ENTPD5: variants seen among roughly 807,000 people sequenced by gnomAD.
The protein encoded by ENTPD5 is nucleoside diphosphate phosphatase ENTPD5.
In ENTPD5, 49 loss-of-function variants were observed where a neutral mutation model predicts 60.2. That is an observed-to-expected ratio of 0.81 (90% CI 0.65 to 1.03). The LOEUF is 1.03. ENTPD5 is among the 50% of genes least tolerant of loss of function. The pLI is 0.00. For synonymous variants in ENTPD5, 187 were observed against 185.4 expected, an observed-to-expected ratio of 1.01 and a Z score of -0.07; for missense variants, 480 against 507.6, an observed-to-expected ratio of 0.95 and a Z score of 0.52.
intron 3 of ENTPD5, among the ~76,000 whole-genome samples, chr14:74,006,376 C>T (rs1461133272): frequency 6.6e-5 from 10 of 151,826 alleles, no homozygotes; most frequent in Non-Finnish European, 8.8e-5. Context: ...CTCCGCTTCC[C>T]GGGTTCACAC....
At chr14:74,013,590 C>A (rs530348203) in intron 2 of ENTPD5, among the ~76,000 whole-genome samples, 1 of 152,074 alleles carries the variant, frequency 6.6e-6, no homozygotes, top group East Asian at 1.9e-4. Flanking sequence ...CCCAAGGAAG[C>A]CAAAAGATTG....
intron 9 of ENTPD5, 62 bp from the exon 10 acceptor site, chr14:73,976,077 C>T: frequency 7.4e-7 from 1 of 1,356,982 alleles, no homozygotes; most frequent in South Asian, 1.2e-5. Flanking sequence ...GATGTTCACA[C>T]CACCACCCGT....
chr14:74,015,413 G>C (rs1158996925), intron 2 of ENTPD5, among the ~76,000 whole-genome samples: 1 of 129,366 alleles, frequency 7.7e-6, no homozygotes, highest in Non-Finnish European at 1.5e-5. Context: ...CTGGAATACA[G>C]TGGCACGGCT....
At chr14:73,955,891 C>T (rs1444684133), downstream of ENTPD5, 1 of 1,614,022 alleles carries the variant, frequency 6.2e-7, no homozygotes, top group Non-Finnish European at 8.5e-7. Context: ...ATGATGTCAT[C>T]ATGCATGCTC....
rs372052433 is a variant in ENTPD5 at position 73,964,355 on chromosome 14, T to TA, written c.*2572dup. 1.6e-4 allele frequency: 25 copies of TA among 152,276 alleles called. 1 individual carries two copies. The highest frequency in any genetic ancestry group is 5.1e-4 in the African/African-American group (21 of 41,570). 9.4% of individuals were successfully genotyped at this position (152,276 alleles called of 1,614,324 possible). A position where few individuals can be genotyped will look rare whatever the true frequency, so the allele number is the denominator to read the frequency against. On this transcript the variant is annotated 3_prime_UTR_variant, in exon 16 of 16. Coordinates refer to ENST00000334696, the MANE Select transcript of ENTPD5 (RefSeq NM_001249.5). Reference sequence around the variant, plus strand: ...GGTCTACTGCAGGCAGGATGGGCGTTACAGAAAAAAATAAAAACTCTCATT... The same window carrying TA: ...GGTCTACTGCAGGCAGGATGGGCGTTAACAGAAAAAAATAAAAACTCTCATT...
chr14:74,014,343 T>A (rs1486005100), intron 2 of ENTPD5, among the ~76,000 whole-genome samples: 1 of 151,902 alleles, frequency 6.6e-6, no homozygotes, highest in African/African-American at 2.4e-5. Flanking sequence ...GAGAACCATT[T>A]GAGCCCAGTA....
At chr14:74,004,756 C>A (rs2058619959) in intron 3 of ENTPD5, among the ~76,000 whole-genome samples, 2 of 152,078 alleles carry the variant, frequency 1.3e-5, no homozygotes, top group African/African-American at 4.8e-5. Context: ...CCAAGAAGAG[C>A]AGGGCAGAAG....
chr14:73,989,487 C>A (rs1469619788), intron 3 of ENTPD5, among the ~76,000 whole-genome samples: 2 of 150,976 alleles, frequency 1.3e-5, no homozygotes, highest in Non-Finnish European at 3.0e-5. Flanking sequence ...CACCTGAGGT[C>A]AGGAGTTTGA....
chr14:73,976,557 G>A (rs373738532), intron 8 of ENTPD5, 145 bp from the exon 9 acceptor site: 13 of 633,670 alleles, frequency 2.1e-5, no homozygotes, highest in East Asian at 1.4e-4. Flanking sequence ...TGTCAACTCG[G>A]AAGGACTCTT....
chr14:73,987,647 C>G (rs1004287985), intron 4 of ENTPD5, among the ~76,000 whole-genome samples: 1 of 151,332 alleles, frequency 6.6e-6, no homozygotes, highest in Non-Finnish European at 1.5e-5. Flanking sequence ...CACTACAGAC[C>G]GGGCAACAAA....
chr14:73,982,503 T>G (rs2057732993), intron 6 of ENTPD5, among the ~76,000 whole-genome samples: 1 of 152,114 alleles, frequency 6.6e-6, no homozygotes, highest in African/African-American at 2.4e-5. Context: ...ATGCCTGTAA[T>G]TCCAGCACTT....
chr14:73,962,658 A>G, downstream of ENTPD5: 1 of 283,904 alleles, frequency 3.5e-6, no homozygotes, highest in South Asian at 8.7e-5. Flanking sequence ...ATTTAAAGAT[A>G]TGTTTTTTCT....
At chr14:74,013,607 C>G (rs1346191610) in intron 2 of ENTPD5, among the ~76,000 whole-genome samples, 4 of 152,024 alleles carry the variant, frequency 2.6e-5, no homozygotes, top group African/African-American at 4.8e-5. Context: ...ATTGAACACC[C>G]CTGGTCTACA....
chr14:73,960,475 A>G (rs2056665197), downstream of ENTPD5: 1 of 992,464 alleles, frequency 1.0e-6, no homozygotes. Flanking sequence ...AGTAGCAACA[A>G]GAATAAAGGG....
At chr14:73,967,156 T>C (rs3742813) in intron 15 of ENTPD5, 142 bp from the exon 16 acceptor site, 288,573 of 645,040 alleles carry the variant, frequency 0.45, 67,747 homozygotes, top group South Asian at 0.5. Flanking sequence ...TTTGCAGGCT[T>C]CCCACTACTC....
rs1337371268 is a variant in ENTPD5, at chr14:73,966,153, G to GT, written c.*774dup. ...TGTTAACACATTAGCCTGGGAGGTG[G>GT]TACTGGCACTGAATATACACATACC... is the stretch of plus-strand genomic sequence containing the variant. On this transcript the variant is annotated 3_prime_UTR_variant, in exon 16 of 16. Coordinates refer to ENST00000334696, the MANE Select transcript of ENTPD5 (RefSeq NM_001249.5). 1.3e-5 allele frequency: 2 copies of GT among 152,174 alleles called. No individual in the cohort carries two copies. The highest frequency in any genetic ancestry group is 2.4e-5 in the African/African-American group (1 of 41,440). 9.4% of individuals were successfully genotyped at this position (152,174 alleles called of 1,614,324 possible).
chr14:73,994,811 T>C (rs1196943753), intron 3 of ENTPD5, among the ~76,000 whole-genome samples: 1 of 152,006 alleles, frequency 6.6e-6, no homozygotes, highest in East Asian at 1.9e-4. Context: ...GCTCGTTCAC[T>C]ATGTTAAAAT....
Position 74,000,791 on chromosome 14 carries a change from A to C in ENTPD5, c.-71+10300T>G, listed in dbSNP as rs747231296. ...AGAACCTGTCTCAAAACAACAACAA[A>C]AAAAATGAAATGACATGTAAGCAAT... On this transcript the variant is annotated intron_variant, in intron 3 of 15. Coordinates refer to ENST00000334696, the MANE Select transcript of ENTPD5 (RefSeq NM_001249.5). Among the ~76,000 whole-genome samples the C allele has an allele frequency of 3.9e-4, 59 of 152,286 alleles. 1 individual carries two copies. The highest frequency in any genetic ancestry group is 3.4e-3 in the Middle Eastern group (1 of 294).
At chr14:74,018,440 CCTAA>C (rs2059128380) in intron 1 of ENTPD5, 2 of 152,204 alleles carry the variant, frequency 1.3e-5, no homozygotes, top group South Asian at 4.1e-4. Flanking sequence ...CCACAAGTCT[CCTAA>C]CTATTGGCTT....
Sources: gnomAD v4.1 joint callset for allele counts (sites outside exome capture counted in the v4.1 genomes callset) on GRCh38, gnomAD v4.1.1 for gene constraint, MANE v1.5 for transcripts, NCBI Gene and HGNC (gene_info 2026-07-23, HGNC 2026-07-21) for gene names.